TTK: variants seen among roughly 807,000 people sequenced by gnomAD.
TTK encodes dual specificity protein kinase TTK.
A neutral mutation model predicts 117.3 loss-of-function variants in TTK; 59 were observed. The observed-to-expected ratio is 0.50, with a 90% CI of 0.41 to 0.62. TTK has a LOEUF of 0.62. TTK is among the 20% of genes least tolerant of loss of function. The pLI is 0.00. For synonymous variants in TTK, 302 were observed against 325.0 expected (o/e 0.93, Z 0.76); for missense variants, 921 against 989.4 (o/e 0.93, Z 0.93).
At chr6:80,028,375 T>G (rs1030456999) in intron 13 of TTK, among the ~76,000 whole-genome samples, 2 of 152,166 alleles carry the variant, frequency 1.3e-5, no homozygotes, top group Admixed American at 6.6e-5. Flanking sequence ...TGGAGTGCAG[T>G]GGCGCGATCT....
At chr6:80,026,623 C>G in intron 12 of TTK, 109 bp downstream of exon 12, 1 of 1,435,686 alleles carries the variant, frequency 7.0e-7, no homozygotes, top group Non-Finnish European at 9.5e-7. Flanking sequence ...ACTTTAAAGA[C>G]TTTCCATCTT....
chr6:80,006,818 ATTAAAT>A (rs1477707059), intron 2 of TTK, among the ~76,000 whole-genome samples: 1 of 152,180 alleles, frequency 6.6e-6, no homozygotes, highest in African/African-American at 2.4e-5. Flanking sequence ...GTCAGACCAA[ATTAAAT>A]TTAAAACGAC....
rs917828825 is a variant in TTK at position 80,042,228 on chromosome 6, A to G, written c.*26A>G. ...TTTGCAGTTATTCGTAATGTCAGAT[A>G]CCACCTATAAAATATATTGGACTGT... is the stretch of plus-strand genomic sequence containing the variant. On this transcript the variant is annotated 3_prime_UTR_variant, in exon 22 of 22. Coordinates refer to ENST00000369798, the MANE Select transcript of TTK (RefSeq NM_003318.5). The G allele has an allele frequency of 6.6e-7, 1 of 1,517,556 alleles. No individual in the cohort carries two copies. Among genetic ancestry groups the G allele is most frequent in the African/African-American group, 1.4e-5 (1 of 72,688 alleles). 94.0% of individuals were successfully genotyped at this position (1,517,556 alleles called of 1,614,324 possible). A position where few individuals can be genotyped will look rare whatever the true frequency, so the allele number is the denominator to read the frequency against.
chr6:80,037,909 AT>A (rs1453300867), intron 17 of TTK, 57 bp from the exon 18 acceptor site: 21 of 1,024,554 alleles, frequency 2.0e-5, no homozygotes, highest in Non-Finnish European at 2.7e-5. Flanking sequence ...TCAAAAAAAA[AT>A]CTAAAGCAGA....
At position 80,037,958 on chromosome 6, in the gene TTK, G is replaced by A; in HGVS notation, c.2050-9G>A. Reference sequence around the variant, plus strand: ...CATTGATTTGTGTTTTCTCTGACTTGGCATATAGGTTGGCACAGTTAATTA... The same window carrying A: ...CATTGATTTGTGTTTTCTCTGACTTAGCATATAGGTTGGCACAGTTAATTA... On this transcript the variant is annotated splice_polypyrimidine_tract_variant and intron_variant, in intron 17 of 21. Coordinates refer to ENST00000369798, the MANE Select transcript of TTK (RefSeq NM_003318.5). 2 of 1,545,798 alleles carry A rather than the reference G, an allele frequency of 1.3e-6. No homozygotes were observed. Among genetic ancestry groups the A allele is most frequent in the Non-Finnish European group, 8.7e-7 (1 of 1,145,740 alleles).
intron 21 of TTK, 66 bp downstream of exon 21, chr6:80,040,769 A>T (rs1768028650): frequency 6.7e-7 from 1 of 1,489,386 alleles, no homozygotes; most frequent in East Asian, 2.3e-5. Flanking sequence ...ACTTAAGGAA[A>T]CAGGTAGTCT....
At chr6:80,021,218 C>T (rs1489387324) in intron 10 of TTK, among the ~76,000 whole-genome samples, 1 of 152,216 alleles carries the variant, frequency 6.6e-6, no homozygotes, top group Non-Finnish European at 1.5e-5. Context: ...AAAAATCCTT[C>T]AGACAAGGGT....
intron 21 of TTK, among the ~76,000 whole-genome samples, chr6:80,041,384 A>G (rs550528032): frequency 3.4e-4 from 52 of 151,818 alleles, no homozygotes; most frequent in Non-Finnish European, 6.8e-4. Context: ...AATTTACTAT[A>G]TATTCACTAT....
At position 80,014,475 on chromosome 6, in the gene TTK, A is replaced by G. The variant is rs113049830; in HGVS notation, c.997A>G (p.Ser333Gly). 1 of 1,606,860 alleles carries G rather than the reference A, an allele frequency of 6.2e-7. No homozygotes were observed. Among genetic ancestry groups the G allele is most frequent in the Non-Finnish European group, 8.5e-7 (1 of 1,176,822 alleles). The change falls in exon 10 of 22, where the codon AGT becomes GGT. Residue 333 changes from serine (S) to glycine (G), a missense_variant. Physicochemically the swap from Ser to Gly is moderately conservative, Grantham distance 56 (BLOSUM62 0). Coordinates refer to ENST00000369798, the MANE Select transcript of TTK (RefSeq NM_003318.5). ...ELRNLKSVQN[S>G]HFKEPLVSDE... ...CTTTTTCATGTAGTCTGTTCAAAAT[A>G]GTCATTTCAAGGAACCTCTGGTGTC...
chr6:80,005,749 A>G, intron 1 of TTK, 93 bp from the exon 2 acceptor site: 1 of 1,426,602 alleles, frequency 7.0e-7, no homozygotes, highest in Non-Finnish European at 9.6e-7. Flanking sequence ...CACAAAACGA[A>G]TGCTTTAGTC....
chr6:80,041,998 A>C (rs1252349802), intron 21 of TTK, 121 bp from the exon 22 acceptor site: 2 of 510,812 alleles, frequency 3.9e-6, no homozygotes, highest in Non-Finnish European at 6.6e-6. Flanking sequence ...ATAATTTCCC[A>C]ACTGTAAGAA....
chr6:80,008,167 A>G lies in TTK; in HGVS notation c.362+136A>G, dbSNP rs1767046262. Reference sequence around the variant, plus strand: ...TACCAAATACTTTTGCTTATAGTTAACAAGAGACTAATGTAAACTCTTTTC... The same window carrying G: ...TACCAAATACTTTTGCTTATAGTTAGCAAGAGACTAATGTAAACTCTTTTC... On this transcript the variant is annotated intron_variant, in intron 3 of 21. Transcript: ENST00000369798. 5.3e-6 allele frequency: 6 copies of G among 1,121,768 alleles called. No homozygotes were observed. The South Asian group carries it at 8.5e-5, about 16-fold the overall frequency. 69.5% of individuals were successfully genotyped at this position (1,121,768 alleles called of 1,614,324 possible). A position where few individuals can be genotyped will look rare whatever the true frequency, so the allele number is the denominator to read the frequency against.
intron 10 of TTK, among the ~76,000 whole-genome samples, chr6:80,016,115 G>A (rs1767301048): frequency 6.6e-6 from 1 of 152,182 alleles, no homozygotes; most frequent in Non-Finnish European, 1.5e-5. Flanking sequence ...TGTAAATATA[G>A]TATAATTTGT....
chr6:80,014,091 A>G (rs1461626954), intron 9 of TTK, among the ~76,000 whole-genome samples: 1 of 152,104 alleles, frequency 6.6e-6, no homozygotes, highest in Non-Finnish European at 1.5e-5. Flanking sequence ...ACTAGTTTTG[A>G]CTTATTTTTG....
At chr6:80,018,372 T>C (rs956614440) in intron 10 of TTK, among the ~76,000 whole-genome samples, 8 of 151,844 alleles carry the variant, frequency 5.3e-5, no homozygotes, top group African/African-American at 1.9e-4. Context: ...TCCCAGCACT[T>C]TGGGAGGCCG....
At position 80,032,486 on chromosome 6, in the gene TTK, G is replaced by C. The variant is rs1767785716; in HGVS notation, c.1614+927G>C. 4.6e-5 allele frequency among the ~76,000 whole-genome samples: 7 copies of C among 152,202 alleles called. No homozygotes were observed. In the South Asian group the frequency reaches 1.4e-3, roughly 32 times the overall value. Reference sequence around the variant, plus strand: ...GACAATTCCCAAACTTGTATTTCCAGCTCATACCTCTCCTTTGAATTCCAG... The same window carrying C: ...GACAATTCCCAAACTTGTATTTCCACCTCATACCTCTCCTTTGAATTCCAG... On this transcript the variant is annotated intron_variant, in intron 14 of 21. Transcript: ENST00000369798.
chr6:80,022,325 AACT>A lies in TTK; in HGVS notation c.1112_1114del (p.Thr371del), dbSNP rs1377381061. 6.2e-7 allele frequency: 1 copy of A among 1,607,060 alleles called. No individual in the cohort carries two copies. Among genetic ancestry groups the A allele is most frequent in the Non-Finnish European group, 8.5e-7 (1 of 1,178,362 alleles). On this transcript the variant is annotated inframe_deletion and splice_region_variant, in exon 11 of 22. Transcript: ENST00000369798. Reference sequence around the variant, plus strand: ...TAATGACAACAAATACAATTTCAGAAACTAAAGAGTATCAAGAACCAGAGGTTC... The same window carrying A: ...TAATGACAACAAATACAATTTCAGAAAAAGAGTATCAAGAACCAGAGGTTC...
chr6:80,033,030 A>T (rs1767800053), intron 14 of TTK, among the ~76,000 whole-genome samples: 1 of 152,120 alleles, frequency 6.6e-6, no homozygotes, highest in Non-Finnish European at 1.5e-5. Context: ...TCCAATTATT[A>T]TTTTCAGCAT....
intron 11 of TTK, among the ~76,000 whole-genome samples, chr6:80,024,674 G>A (rs1212579892): frequency 1.3e-5 from 2 of 152,160 alleles, no homozygotes; most frequent in African/African-American, 4.8e-5. Context: ...AAATTGGATT[G>A]TGGTGATGGT....
Sources: allele counts gnomAD v4.1 joint callset (sites outside exome capture counted in the v4.1 genomes callset), GRCh38; gene constraint gnomAD v4.1.1; transcripts MANE v1.5; gene names NCBI Gene and HGNC (gene_info 2026-07-23, HGNC 2026-07-21).